The following SBNO2 variants were observed in gnomAD, a reference collection of about 807,000 sequenced individuals.
The protein encoded by SBNO2 is protein strawberry notch homolog 2.
Under a neutral mutation model 146.3 loss-of-function variants are expected in SBNO2, and 89 were observed. That is an observed-to-expected ratio of 0.61 (90% CI 0.51 to 0.73). The LOEUF (loss-of-function observed/expected upper bound fraction) is 0.73, where lower values mean the gene tolerates loss of function less well. Among genes scored for constraint, SBNO2 ranks in the 30% least tolerant of loss-of-function variants. The pLI, the probability that SBNO2 is intolerant of heterozygous loss-of-function variation, is 0.00. For synonymous variants in SBNO2, 1,147 were observed against 892.6 expected (o/e 1.29, Z -5.08); for missense variants, 2,092 against 2,003.7 (o/e 1.04, Z -0.84).
intron 1 of SBNO2, among the ~76,000 whole-genome samples, chr19:1,159,321 G>A (rs1322295654): frequency 1.3e-5 from 2 of 151,668 alleles, no homozygotes; most frequent in South Asian, 2.1e-4. Flanking sequence ...ACTGCAGGCC[G>A]TCTCAGGTCC....
intron 7 of SBNO2, 108 bp downstream of exon 7, chr19:1,123,426 G>A (rs563737373): frequency 8.6e-5 from 81 of 942,406 alleles, no homozygotes; most frequent in Non-Finnish European, 1.3e-4. Flanking sequence ...CCTCCCTGAA[G>A]CTTCACATTC....
rs372474906 is a variant in SBNO2 at position 1,123,925 on chromosome 19, G to A, written c.522+17C>T. On this transcript the variant is annotated intron_variant, in intron 6 of 31. Transcript: ENST00000361757. The stretch of plus-strand genomic sequence containing the variant: ...TGAGAGGGCAGGGGAGGGAGCTCTC[G>A]GCTGGGCCCAGCTCACCTGGTAGCT... 262 of 1,607,992 alleles carry A rather than the reference G, an allele frequency of 1.6e-4. No homozygotes were observed. In the African/African-American group the frequency reaches 2.1e-3, roughly 13 times the overall value.
intron 17 of SBNO2, among the ~76,000 whole-genome samples, chr19:1,114,909 A>G (rs901036769): frequency 2.0e-5 from 3 of 152,136 alleles, no homozygotes; most frequent in African/African-American, 7.2e-5. Context: ...CTGGGATTAT[A>G]GGCGTGAACC....
At chr19:1,123,190 T>C in intron 7 of SBNO2, 145 bp from the exon 8 acceptor site, 1 of 957,262 alleles carries the variant, frequency 1.0e-6, no homozygotes, top group African/African-American at 1.6e-5. Context: ...GGGCGGGTCA[T>C]GGGCGTGGCC....
In SBNO2 at chr19:1,126,042, T is replaced by C. The variant is rs554216531; in HGVS notation, c.441+1562A>G. Among the ~76,000 whole-genome samples the C allele has an allele frequency of 7.3e-4, 111 of 151,838 alleles. No homozygotes were observed. The highest frequency in any genetic ancestry group is 2.6e-3 in the African/African-American group (107 of 41,396). On this transcript the variant is annotated intron_variant, in intron 5 of 31. Transcript: ENST00000361757. The surrounding 1 kb of genome is among the most constrained non-coding windows in gnomAD (Gnocchi z 4.4). The stretch of plus-strand genomic sequence containing the variant: ...ATAAGAGCATCTCTTCTAGACCCGG[T>C]CCCCCCCTTGAACTCCAACGTCCTG...
intron 14 of SBNO2, among the ~76,000 whole-genome samples, chr19:1,118,433 G>C (rs1195902036): frequency 1.3e-5 from 2 of 152,178 alleles, no homozygotes; most frequent in Non-Finnish European, 2.9e-5. Flanking sequence ...GAACGACCAA[G>C]CCACATGGCC....
chr19:1,114,657 C>G (rs1231839935), intron 17 of SBNO2, among the ~76,000 whole-genome samples: 1 of 148,936 alleles, frequency 6.7e-6, no homozygotes, highest in Admixed American at 6.7e-5. Flanking sequence ...TATTTATTTT[C>G]TTTTGAGACG....
chr19:1,109,836 G>C lies in SBNO2; in HGVS notation c.3029-59C>G. On this transcript the variant is annotated intron_variant, in intron 26 of 31. Coordinates refer to ENST00000361757, the MANE Select transcript of SBNO2 (RefSeq NM_014963.3). The surrounding 1 kb of genome is among the most constrained non-coding windows in gnomAD (Gnocchi z 4.2). ...GGCCTGGGACTGTGGGCTGGGGCCA[G>C]GGTCAGTCCCGTAGCCGGGGCGCAC... 3.7e-6 allele frequency: 5 copies of C among 1,337,018 alleles called. No individual in the cohort carries two copies. Among genetic ancestry groups the C allele is most frequent in the Middle Eastern group, 2.4e-4 (1 of 4,234 alleles). 82.8% of individuals were successfully genotyped at this position (1,337,018 alleles called of 1,614,324 possible).
chr19:1,161,696 C>T (rs1568637630), intron 1 of SBNO2, among the ~76,000 whole-genome samples: 1 of 151,920 alleles, frequency 6.6e-6, no homozygotes, highest in Non-Finnish European at 1.5e-5. Context: ...ACGCTTTCTA[C>T]CTCTCCTCTT....
intron 4 of SBNO2, among the ~76,000 whole-genome samples, chr19:1,138,884 G>A (rs1173769221): frequency 2.7e-5 from 4 of 147,030 alleles, no homozygotes; most frequent in African/African-American, 1.0e-4. Context: ...CGTCCATCAC[G>A]GACAGACACA....
chr19:1,168,468 G>A (rs67594359), intron 1 of SBNO2, among the ~76,000 whole-genome samples: 20,435 of 152,130 alleles, frequency 0.13, 1,558 homozygotes, highest in Non-Finnish European at 0.16. Context: ...CAGTGATGCC[G>A]CCCTGAGAAG....
rs745886953 is a variant in SBNO2 at position 1,112,230 on chromosome 19, G to T, written c.2587C>A (p.Arg863Ser). 2 of 1,590,702 alleles carry T rather than the reference G, an allele frequency of 1.3e-6. No homozygotes were observed. The highest frequency in any genetic ancestry group is 2.7e-5 in the African/African-American group (2 of 74,610). Residue 863 changes from arginine to serine, a missense_variant, in exon 22 of 32, where the codon CGC becomes AGC. Physicochemically the swap from Arg to Ser is moderately radical, Grantham distance 110 (BLOSUM62 -1). Transcript: ENST00000361757. This position sits in a 1 kb window ranked among gnomAD's most constrained non-coding sequence, Gnocchi z 5.9. ...TTGGCCACGATGGAGGCGAACCGGC[G>T]CTCCCCGGCCAGCTCCGAGATGAGG... Reference protein sequence around the residue: ...VFLISELAGERRFASIVAKRL... With the variant: ...VFLISELAGESRFASIVAKRL...
rs2079966912 is a variant in SBNO2 at position 1,126,480 on chromosome 19, A to C, written c.441+1124T>G. 1.3e-5 allele frequency among the ~76,000 whole-genome samples: 2 copies of C among 151,904 alleles called. No homozygotes were observed. The highest frequency in any genetic ancestry group is 4.2e-4 in the South Asian group (2 of 4,802). ...AGGGCACGGGCCCCGGGCTGGGTGA[A>C]ATGCTCTGCTGGGCCCTTGTGCCAG... On this transcript the variant is annotated intron_variant, in intron 5 of 31. Transcript: ENST00000361757. This position sits in a 1 kb window ranked among gnomAD's most constrained non-coding sequence, Gnocchi z 4.4.
chr19:1,170,907 G>A (rs1029306586), intron 1 of SBNO2, among the ~76,000 whole-genome samples: 3 of 125,322 alleles, frequency 2.4e-5, no homozygotes, highest in Middle Eastern at 3.7e-3. Context: ...ACGCAAGCAT[G>A]GGCACATGGG....
Position 1,110,829 on chromosome 19 carries a change from C to A in SBNO2, c.2944G>T (p.Ala982Ser). Residue 982 changes from alanine to serine, a missense_variant, in exon 26 of 32, where the codon GCC (alanine) becomes TCC (serine). Ala to Ser is a moderately conservative substitution (Grantham distance 99, BLOSUM62 1). Transcript: ENST00000361757. The surrounding 1 kb of genome is among the most constrained non-coding windows in gnomAD (Gnocchi z 4.9). ...GTGTCTGAGAAGTACTGGAACAGGG[C>A]GTTCTGCTTGTGCACCTCCAGCCCC... ...ILGLEVHKQN[A>S]LFQYFSDTFD... The A allele has an allele frequency of 1.2e-6, 2 of 1,613,670 alleles. No homozygotes were observed. Among genetic ancestry groups the A allele is most frequent in the Non-Finnish European group, 1.7e-6 (2 of 1,179,722 alleles).
rs941919251 is a variant in SBNO2, at chr19:1,140,571, G to A, written c.279+6738C>T. The stretch of plus-strand genomic sequence containing the variant: ...CCGCAGCCCACGGTGGATGCCAGCA[G>A]CGGCATCCTGGCGCAGCGTGAGCCC... On this transcript the variant is annotated intron_variant, in intron 4 of 31. Transcript: ENST00000361757. This position sits in a 1 kb window ranked among gnomAD's most constrained non-coding sequence, Gnocchi z 4.4. 9.2e-5 allele frequency among the ~76,000 whole-genome samples: 14 copies of A among 152,108 alleles called. No homozygotes were observed. Among genetic ancestry groups the A allele is most frequent in the Admixed American group, 7.2e-4 (11 of 15,288 alleles).
Position 1,140,003 on chromosome 19 carries a change from T to C in SBNO2, c.279+7306A>G, listed in dbSNP as rs117530817. ...AGAGACAGAAAAGAAAGAAAGAAAATAAAGAAGAAATGCAGGCCGGGCGCG... is the reference window on the plus strand; with the variant it reads ...AGAGACAGAAAAGAAAGAAAGAAAACAAAGAAGAAATGCAGGCCGGGCGCG... On this transcript the variant is annotated intron_variant, in intron 4 of 31. Transcript: ENST00000361757. This position sits in a 1 kb window ranked among gnomAD's most constrained non-coding sequence, Gnocchi z 4.4. Among the ~76,000 whole-genome samples, 2,064 of 139,326 alleles carry C rather than the reference T, an allele frequency of 0.015. 29 individuals carry two copies. The highest frequency in any genetic ancestry group is 0.023 in the Non-Finnish European group (1,449 of 63,880). The allele number at this position is 139,326 out of a possible 152,430, so 91.4% of individuals were successfully genotyped here.
chr19:1,116,707 A>T (rs2079836160), intron 16 of SBNO2, 122 bp downstream of exon 16: 1 of 815,294 alleles, frequency 1.2e-6, no homozygotes, highest in South Asian at 1.8e-5. Context: ...GGGCCCAGCA[A>T]AGCCCACCCC....
chr19:1,118,257 G>C (rs2079856380), intron 14 of SBNO2, among the ~76,000 whole-genome samples: 2 of 152,168 alleles, frequency 1.3e-5, no homozygotes, highest in South Asian at 4.1e-4. Context: ...AGAATTGCTT[G>C]AATCTGGTAG....
Sources: allele counts gnomAD v4.1 joint callset (sites outside exome capture counted in the v4.1 genomes callset), GRCh38; gene constraint gnomAD v4.1.1; non-coding constraint Gnocchi (gnomAD v3.1); transcripts MANE v1.5; gene names NCBI Gene and HGNC (gene_info 2026-07-23, HGNC 2026-07-21).